MED27: variants seen among roughly 807,000 people sequenced by gnomAD.
The protein encoded by MED27 is mediator of RNA polymerase II transcription subunit 27.
Under a neutral mutation model 38.2 loss-of-function variants are expected in MED27, and 30 were observed. The observed-to-expected ratio is 0.79, with a 90% CI of 0.59 to 1.07. The LOEUF (loss-of-function observed/expected upper bound fraction) is 1.07. MED27 is among the 50% of genes least tolerant of loss of function. The probability of loss-of-function intolerance (pLI) is 0.00; values close to 1 mark genes in which losing one functional copy is unlikely to be tolerated. For synonymous variants in MED27, 122 were observed against 153.5 expected, an observed-to-expected ratio of 0.79 and a Z score of 1.52; for missense variants, 289 against 397.5, an observed-to-expected ratio of 0.73 and a Z score of 2.32.
intron 2 of MED27, among the ~76,000 whole-genome samples, chr9:132,026,174 T>C (rs528851509): frequency 2.0e-5 from 3 of 152,314 alleles, no homozygotes; most frequent in Non-Finnish European, 4.4e-5. Flanking sequence ...CAGCTGGGAA[T>C]GTCCAAGAAG....
chr9:131,932,864 T>C (rs1830615037), intron 4 of MED27, among the ~76,000 whole-genome samples: 1 of 152,096 alleles, frequency 6.6e-6, no homozygotes, highest in African/African-American at 2.4e-5. Context: ...GCAAAAATCC[T>C]CAACCAAATA....
rs112731534 is a variant in MED27, at chr9:132,051,509, C to A, written c.348+25933G>T. Among the ~76,000 whole-genome samples, 3,109 of 152,236 alleles carry A rather than the reference C, an allele frequency of 0.02. 46 individuals are homozygous for A. The highest frequency in any genetic ancestry group is 0.033 in the African/African-American group (1,364 of 41,534). The stretch of plus-strand genomic sequence containing the variant: ...TATCCCATCCCCTGCCCCTCCTTAG[C>A]TAGACATAAAGACTGTGGAAATATG... On this transcript the variant is annotated intron_variant, in intron 2 of 7. Transcript: ENST00000292035. This position sits in a 1 kb window ranked among gnomAD's most constrained non-coding sequence, Gnocchi z 4.2.
At chr9:132,000,954 G>A (rs1251577294) in intron 3 of MED27, among the ~76,000 whole-genome samples, 5 of 151,980 alleles carry the variant, frequency 3.3e-5, no homozygotes, top group Admixed American at 2.6e-4. Flanking sequence ...TTAAAAATTA[G>A]TCAGGTGTGG....
At chr9:132,033,057 G>C (rs890756065) in intron 2 of MED27, among the ~76,000 whole-genome samples, 1 of 151,960 alleles carries the variant, frequency 6.6e-6, no homozygotes, top group African/African-American at 2.4e-5. Context: ...TTCCTACCCC[G>C]CCAGCTAAAA....
At chr9:132,052,729 C>T (rs867357070) in intron 2 of MED27, among the ~76,000 whole-genome samples, 3 of 148,992 alleles carry the variant, frequency 2.0e-5, no homozygotes, top group African/African-American at 7.4e-5. Context: ...CATGTGCACA[C>T]ATTATTTAGC....
At chr9:132,000,415 C>T (rs1204488812) in intron 3 of MED27, among the ~76,000 whole-genome samples, 1 of 152,052 alleles carries the variant, frequency 6.6e-6, no homozygotes, top group East Asian at 1.9e-4. Context: ...AAGGTAAAAA[C>T]GACACAACCT....
intron 4 of MED27, among the ~76,000 whole-genome samples, chr9:131,935,396 A>G (rs1830663855): frequency 6.6e-6 from 1 of 152,248 alleles, no homozygotes; most frequent in Non-Finnish European, 1.5e-5. Context: ...CAAAACAAGT[A>G]TCCTGGTATA....
chr9:131,915,078 A>G (rs543986133), intron 4 of MED27, among the ~76,000 whole-genome samples: 4 of 152,212 alleles, frequency 2.6e-5, no homozygotes, highest in Non-Finnish European at 5.9e-5. Context: ...GCAGCCAGCA[A>G]ATAGAACCAT....
chr9:131,934,506 A>T (rs866967710), intron 4 of MED27, among the ~76,000 whole-genome samples: 16 of 152,362 alleles, frequency 1.1e-4, no homozygotes, highest in Non-Finnish European at 1.6e-4. Context: ...AAAAGAAGAT[A>T]TACAAATGGC....
At chr9:131,926,755 T>C (rs1011691716) in intron 4 of MED27, among the ~76,000 whole-genome samples, 1 of 152,194 alleles carries the variant, frequency 6.6e-6, no homozygotes, top group Non-Finnish European at 1.5e-5. Context: ...GAAAACAAGA[T>C]GTGTCATTCA....
rs138016150 is a variant in MED27, at chr9:132,041,524, A to G, written c.349-27057T>C. On this transcript the variant is annotated intron_variant, in intron 2 of 7. Transcript: ENST00000292035. Reference sequence around the variant, plus strand: ...CATCATGCTACCGACTGCAGCGTCCACAGAGCTCAGTCGCTCCCCATCTTC... The same window carrying G: ...CATCATGCTACCGACTGCAGCGTCCGCAGAGCTCAGTCGCTCCCCATCTTC... Among the ~76,000 whole-genome samples the G allele has an allele frequency of 3.6e-3, 547 of 152,352 alleles. 3 individuals carry two copies. The highest frequency in any genetic ancestry group is 0.012 in the African/African-American group (516 of 41,586).
chr9:131,876,229 C>G (rs538017818), intron 6 of MED27, among the ~76,000 whole-genome samples: 2 of 152,198 alleles, frequency 1.3e-5, no homozygotes, highest in African/African-American at 4.8e-5. Context: ...CACTGCAGCC[C>G]GCACAACCCT....
rs1375594211 is a variant in MED27, at chr9:131,860,825, AC to A, written c.802-154del. On this transcript the variant is annotated intron_variant, in intron 7 of 7. Coordinates refer to ENST00000292035, the MANE Select transcript of MED27 (RefSeq NM_004269.4). The surrounding 1 kb of genome is among the most constrained non-coding windows in gnomAD (Gnocchi z 5.8). Reference sequence around the variant, plus strand: ...TCACAGGGAGCAGCAGGCGGAACCCACAAGGTCACCTGACTGCTGATGTTCA... The same window carrying A: ...TCACAGGGAGCAGCAGGCGGAACCCAAAGGTCACCTGACTGCTGATGTTCA... Among the ~76,000 whole-genome samples the A allele has an allele frequency of 1.3e-5, 2 of 152,136 alleles. No homozygotes were observed. The highest frequency in any genetic ancestry group is 4.8e-5 in the African/African-American group (2 of 41,420).
chr9:131,908,146 T>C (rs1470140532), intron 4 of MED27, among the ~76,000 whole-genome samples: 4 of 127,492 alleles, frequency 3.1e-5, no homozygotes, highest in African/African-American at 8.8e-5. Context: ...AGCCCCCCGC[T>C]CGGCCAGCCG....
Position 131,982,304 on chromosome 9 carries a change from C to T in MED27, c.479+32033G>A, listed in dbSNP as rs998715610. Among the ~76,000 whole-genome samples, 8 of 152,178 alleles carry T rather than the reference C, an allele frequency of 5.3e-5. No individual in the cohort carries two copies. The highest frequency in any genetic ancestry group is 8.8e-5 in the Non-Finnish European group (6 of 68,040). On this transcript the variant is annotated intron_variant, in intron 3 of 7. Transcript: ENST00000292035. This position sits in a 1 kb window ranked among gnomAD's most constrained non-coding sequence, Gnocchi z 4.3. ...TCCAGCTCTTCTGCTCAAGAGATCACGTGCAGAGGCCACACGGAGAGGGAG... is the reference window on the plus strand; with the variant it reads ...TCCAGCTCTTCTGCTCAAGAGATCATGTGCAGAGGCCACACGGAGAGGGAG...
chr9:132,044,182 G>T (rs1833282345), intron 2 of MED27, among the ~76,000 whole-genome samples: 1 of 152,152 alleles, frequency 6.6e-6, no homozygotes, highest in Non-Finnish European at 1.5e-5. Context: ...AAGTTTGGGG[G>T]CAGACACAAG....
intron 2 of MED27, among the ~76,000 whole-genome samples, chr9:132,043,550 C>T (rs895261006): frequency 2.6e-5 from 4 of 151,894 alleles, no homozygotes; most frequent in African/African-American, 9.7e-5. Flanking sequence ...TACATAAAAT[C>T]TTTTGTAATT....
intron 2 of MED27, among the ~76,000 whole-genome samples, chr9:132,067,710 T>TTTG (rs201200656): frequency 0.031 from 4,770 of 152,142 alleles, 239 homozygotes; most frequent in African/African-American, 0.1. Flanking sequence ...AAATGTTCTT[T>TTTG]TTGTTGTTGT....
intron 3 of MED27, among the ~76,000 whole-genome samples, chr9:131,963,556 C>G (rs896926630): frequency 3.9e-5 from 6 of 152,176 alleles, no homozygotes; most frequent in Non-Finnish European, 5.9e-5. Flanking sequence ...TCCACCACTG[C>G]TGGAGAATGT....
Sources: gnomAD v4.1 joint callset for allele counts (sites outside exome capture counted in the v4.1 genomes callset) on GRCh38, gnomAD v4.1.1 for gene constraint, Gnocchi (gnomAD v3.1) non-coding constraint, MANE v1.5 for transcripts, NCBI Gene and HGNC (gene_info 2026-07-23, HGNC 2026-07-21) for gene names.